LDLRAD3: variants seen among roughly 807,000 people sequenced by gnomAD.
The protein encoded by LDLRAD3 is low-density lipoprotein receptor class A domain-containing protein 3.
Under a neutral mutation model 29.4 loss-of-function variants are expected in LDLRAD3, and 20 were observed. The ratio of observed to expected loss-of-function variants is 0.68; its 90% CI spans 0.48 to 0.99. The LOEUF (loss-of-function observed/expected upper bound fraction) is 0.99. Ranked by LOEUF, LDLRAD3 falls within the 50% of genes least tolerant of loss-of-function variation. The probability of loss-of-function intolerance (pLI) is 0.00; values close to 1 mark genes in which losing one functional copy is unlikely to be tolerated. For missense variants in LDLRAD3, 420 were observed against 454.3 expected, an observed-to-expected ratio of 0.92 and a Z score of 0.69; for synonymous variants, 157 against 192.7, an observed-to-expected ratio of 0.81 and a Z score of 1.53.
At position 36,009,664 on chromosome 11, in the gene LDLRAD3, G is replaced by A. The variant is rs139510443; in HGVS notation, c.47-26439G>A. The stretch of plus-strand genomic sequence containing the variant: ...TGTTGCTGAAATGCAAATGCCATTC[G>A]TTCTGTTGCTGATTTGCTTACCGAA... On this transcript the variant is annotated intron_variant, in intron 1 of 5. Coordinates refer to ENST00000315571, the MANE Select transcript of LDLRAD3 (RefSeq NM_174902.4). Among the ~76,000 whole-genome samples, 21 of 152,224 alleles carry A rather than the reference G, an allele frequency of 1.4e-4. No individual in the cohort carries two copies. The East Asian group carries it at 3.9e-3, about 28-fold the overall frequency.
intron 5 of LDLRAD3, among the ~76,000 whole-genome samples, chr11:36,228,244 C>G (rs955036944): frequency 2.6e-5 from 4 of 152,166 alleles, no homozygotes; most frequent in African/African-American, 9.7e-5. Flanking sequence ...CTTCGTTTTC[C>G]TTCCTCATAG....
chr11:35,988,625 C>G (rs1851644090), intron 1 of LDLRAD3, among the ~76,000 whole-genome samples: 1 of 150,914 alleles, frequency 6.6e-6, no homozygotes, highest in Non-Finnish European at 1.5e-5. Context: ...GCTCTATCAC[C>G]CAGGCTGGAG....
intron 4 of LDLRAD3, among the ~76,000 whole-genome samples, chr11:36,187,110 T>G (rs374813101): frequency 1.3e-5 from 2 of 152,300 alleles, no homozygotes; most frequent in South Asian, 2.1e-4. Context: ...TATCCATCTT[T>G]CCTTGGCTTC....
chr11:36,148,683 G>A (rs901698954), intron 4 of LDLRAD3, among the ~76,000 whole-genome samples: 1 of 152,038 alleles, frequency 6.6e-6, no homozygotes, highest in Non-Finnish European at 1.5e-5. Flanking sequence ...TATGACCCTT[G>A]GGAACATGAA....
chr11:36,056,812 A>G (rs1258468337), intron 2 of LDLRAD3, among the ~76,000 whole-genome samples: 2 of 151,996 alleles, frequency 1.3e-5, no homozygotes, highest in Admixed American at 6.6e-5. Flanking sequence ...TCTCCACTAA[A>G]TATGTCTGGC....
At position 35,962,053 on chromosome 11, in the gene LDLRAD3, T is replaced by C. The variant is rs146152759; in HGVS notation, c.46+17909T>C. The stretch of plus-strand genomic sequence containing the variant: ...AAATTTCTGGTCACTAATCATGAAC[T>C]AGAAATTAGACTTTGGTGACTCCTC... On this transcript the variant is annotated intron_variant, in intron 1 of 5. Coordinates refer to ENST00000315571, the MANE Select transcript of LDLRAD3 (RefSeq NM_174902.4). 5.1e-3 allele frequency among the ~76,000 whole-genome samples: 780 copies of C among 152,314 alleles called. 13 individuals are homozygous for C. Among genetic ancestry groups the C allele is most frequent in the African/African-American group, 0.018 (756 of 41,568 alleles).
intron 4 of LDLRAD3, among the ~76,000 whole-genome samples, chr11:36,188,371 C>CCA (rs1854887223): frequency 1.6e-5 from 1 of 62,030 alleles, no homozygotes; most frequent in Non-Finnish European, 3.0e-5. Flanking sequence ...GGAAAACCAG[C>CCA]AAAAAAAAAA....
intron 4 of LDLRAD3, among the ~76,000 whole-genome samples, chr11:36,148,613 C>A (rs1001331859): frequency 1.3e-5 from 2 of 152,062 alleles, no homozygotes; most frequent in African/African-American, 4.8e-5. Context: ...GAGTGACAGC[C>A]AAGGAGAAGG....
intron 2 of LDLRAD3, among the ~76,000 whole-genome samples, chr11:36,068,359 T>C (rs1852831666): frequency 1.3e-5 from 2 of 152,194 alleles, no homozygotes; most frequent in South Asian, 4.1e-4. Context: ...TGCTGTATTC[T>C]CTACATGCAA....
At chr11:36,085,721 C>T (rs1439564173) in intron 3 of LDLRAD3, among the ~76,000 whole-genome samples, 1 of 152,104 alleles carries the variant, frequency 6.6e-6, no homozygotes, top group East Asian at 1.9e-4. Context: ...CAGTGATCCT[C>T]CCTCCTCAGC....
At position 36,027,151 on chromosome 11, in the gene LDLRAD3, ATCT is replaced by A. The variant is rs1230967064; in HGVS notation, c.47-8947_47-8945del. 2.0e-5 allele frequency among the ~76,000 whole-genome samples: 3 copies of A among 152,214 alleles called. No individual in the cohort carries two copies. In the East Asian group the frequency reaches 5.8e-4, roughly 29 times the overall value. ...CGTGTATGAGTTCCTGTTCCTCCCC[ATCT>A]TCTTGCCACTTAAGAATGTCAGGCT... On this transcript the variant is annotated intron_variant, in intron 1 of 5. Coordinates refer to ENST00000315571, the MANE Select transcript of LDLRAD3 (RefSeq NM_174902.4).
intron 1 of LDLRAD3, among the ~76,000 whole-genome samples, chr11:35,954,573 C>A (rs1460229226): frequency 6.6e-6 from 1 of 152,092 alleles, no homozygotes; most frequent in African/African-American, 2.4e-5. Flanking sequence ...GAAAAAGAGA[C>A]GGAATTGGGA....
At chr11:35,958,299 T>C (rs1851230982) in intron 1 of LDLRAD3, among the ~76,000 whole-genome samples, 1 of 152,250 alleles carries the variant, frequency 6.6e-6, no homozygotes, top group African/African-American at 2.4e-5. Context: ...TTTCTGTCAT[T>C]GAGGAAAGTT....
chr11:36,138,347 G>A (rs532007664), intron 4 of LDLRAD3, among the ~76,000 whole-genome samples: 6 of 152,344 alleles, frequency 3.9e-5, no homozygotes, highest in African/African-American at 7.2e-5. Context: ...CACATGATGC[G>A]GGAATAGATC....
chr11:36,221,367 CAA>C (rs34614422), intron 4 of LDLRAD3, among the ~76,000 whole-genome samples: 1 of 140,388 alleles, frequency 7.1e-6, no homozygotes. Flanking sequence ...GACTCCATCT[CAA>C]AAAAAAAAAA....
rs111460972 is a variant in LDLRAD3, at chr11:36,146,862, T to C, written c.454+48401T>C. Among the ~76,000 whole-genome samples the C allele has an allele frequency of 5.7e-3, 855 of 151,190 alleles. 8 individuals carry two copies. Among genetic ancestry groups the C allele is most frequent in the African/African-American group, 0.02 (822 of 41,034 alleles). ...TGGAGTACAGTGGCGTGGTTTTGGC[T>C]CACTGCAACCTCCGCCTCCCAGCTT... is the stretch of plus-strand genomic sequence containing the variant. On this transcript the variant is annotated intron_variant, in intron 4 of 5. Transcript: ENST00000315571.
chr11:35,998,473 T>G (rs1305223463), intron 1 of LDLRAD3, among the ~76,000 whole-genome samples: 2 of 152,202 alleles, frequency 1.3e-5, no homozygotes, highest in Admixed American at 1.3e-4. Flanking sequence ...GCTTGTGTGC[T>G]CAGCTATGTG....
intron 4 of LDLRAD3, among the ~76,000 whole-genome samples, chr11:36,204,775 C>A (rs1219471812): frequency 6.6e-6 from 1 of 152,212 alleles, no homozygotes; most frequent in Non-Finnish European, 1.5e-5. Flanking sequence ...AGGCGTGAGC[C>A]ACAGTGCCGG....
chr11:36,036,788 T>C (rs372032701), intron 2 of LDLRAD3, among the ~76,000 whole-genome samples: 5 of 152,174 alleles, frequency 3.3e-5, no homozygotes, highest in Non-Finnish European at 5.9e-5. Flanking sequence ...CCGATAGATA[T>C]GGCTTGAGCT....
Sources: gnomAD v4.1 joint callset for allele counts (sites outside exome capture counted in the v4.1 genomes callset) on GRCh38, gnomAD v4.1.1 for gene constraint, MANE v1.5 for transcripts, NCBI Gene and HGNC (gene_info 2026-07-23, HGNC 2026-07-21) for gene names.